The following MICOS10 variants were observed in gnomAD, a reference collection of about 807,000 sequenced individuals.
MICOS10 encodes the protein mitochondrial contact site and cristae organizing system subunit 10.
A neutral mutation model predicts 13.4 loss-of-function variants in MICOS10; 5 were observed. The ratio of observed to expected loss-of-function variants is 0.37; its 90% CI spans 0.20 to 0.78. The LOEUF is 0.78. Among genes scored for constraint, MICOS10 ranks in the 30% least tolerant of loss-of-function variants. MICOS10 has a pLI of 0.47. For synonymous variants in MICOS10, 35 were observed against 33.6 expected, an observed-to-expected ratio of 1.04 and a Z score of -0.15; for missense variants, 101 against 94.6, an observed-to-expected ratio of 1.07 and a Z score of -0.28.
Position 19,623,538 on chromosome 1 carries a change from G to A in MICOS10, c.177G>A (p.Gln59=), listed in dbSNP as rs558713674. ...TAGGAATGGCTTATTCCAACTGTCA[G>A]CATGATTTCCAGGCTCCATATCTTC... ...MGLGMAYSNC[Q]HDFQAPYLLH... The change falls in exon 3 of 4, where the codon CAG becomes CAA. Residue 59 remains glutamine, a synonymous_variant. Transcript: ENST00000322753. 1 of 1,613,552 alleles carries A rather than the reference G, an allele frequency of 6.2e-7. No homozygotes were observed. The highest frequency in any genetic ancestry group is 1.7e-5 in the Admixed American group (1 of 60,014).
At chr1:19,601,745 A>G (rs968272789) in intron 1 of MICOS10, among the ~76,000 whole-genome samples, 4 of 152,200 alleles carry the variant, frequency 2.6e-5, no homozygotes, top group African/African-American at 9.7e-5. Flanking sequence ...TCTAAAAACA[A>G]TAGCAAAAAT....
At chr1:19,616,513 A>G (rs1364846212) in intron 1 of MICOS10, among the ~76,000 whole-genome samples, 7 of 152,134 alleles carry the variant, frequency 4.6e-5, no homozygotes, top group Non-Finnish European at 1.0e-4. Flanking sequence ...TTTGTTGACA[A>G]TTTCTCATTG....
chr1:19,600,025 A>G (rs563102040), intron 1 of MICOS10, among the ~76,000 whole-genome samples: 44 of 152,268 alleles, frequency 2.9e-4, no homozygotes, highest in Middle Eastern at 3.4e-3. Context: ...AGAGAAGCAT[A>G]AGACATTTCA....
At position 19,628,431 on chromosome 1, in the gene MICOS10, C is replaced by T. The variant is rs925248754; in HGVS notation, c.*2030C>T. 1 of 95,236 alleles carries T rather than the reference C, an allele frequency of 1.1e-5. No homozygotes were observed. The highest frequency in any genetic ancestry group is 2.8e-5 in the African/African-American group (1 of 35,532). The allele number at this position is 95,236 out of a possible 1,614,324, so 5.9% of individuals were successfully genotyped here. A position where few individuals can be genotyped will look rare whatever the true frequency, so the allele number is the denominator to read the frequency against. ...GGATGCGGTGGCTCACACCTGTAAT[C>T]CCAGCACTTTGGGAGGCCAAGGCAG... On this transcript the variant is annotated 3_prime_UTR_variant, in exon 4 of 4. Coordinates refer to ENST00000322753, the MANE Select transcript of MICOS10 (RefSeq NM_001032363.4).
intron 1 of MICOS10, chr1:19,608,719 T>G (rs904086514): frequency 3.6e-6 from 2 of 555,382 alleles, no homozygotes; most frequent in African/African-American, 3.8e-5. Flanking sequence ...AGAAAACTGA[T>G]ATACTGGATT....
intron 1 of MICOS10, chr1:19,608,439 G>A (rs758966121): frequency 7.7e-7 from 1 of 1,291,328 alleles, no homozygotes. Context: ...AAGACCCTTG[G>A]ACCTGGGGCC....
At position 19,597,095 on chromosome 1, in the gene MICOS10, C is replaced by T. The variant is rs1296603311; in HGVS notation, c.50C>T (p.Ala17Val). 4 of 1,599,730 alleles carry T rather than the reference C, an allele frequency of 2.5e-6. No homozygotes were observed. In the Admixed American group the frequency reaches 5.2e-5, roughly 21 times the overall value. ...GRKWDRCLAD[A>V]VVKIGTGFGL... Reference sequence around the variant, plus strand: ...AAGTGGGACCGGTGTCTGGCGGATGCGGTCGTGAAGATAGGTAAGGGGCTT... The same window carrying T: ...AAGTGGGACCGGTGTCTGGCGGATGTGGTCGTGAAGATAGGTAAGGGGCTT... The change falls in exon 1 of 4, where the codon GCG becomes GTG. Residue 17 changes from alanine to valine, a missense_variant. Transcript: ENST00000322753.
intron 1 of MICOS10, among the ~76,000 whole-genome samples, chr1:19,611,160 C>A (rs1285606755): frequency 6.6e-6 from 1 of 152,164 alleles, no homozygotes; most frequent in South Asian, 2.1e-4. Context: ...CCATATTGGC[C>A]AGGCTGGTCT....
At chr1:19,617,311 G>A in intron 1 of MICOS10, 2 of 984,784 alleles carry the variant, frequency 2.0e-6, no homozygotes, top group Non-Finnish European at 2.4e-6. Context: ...TCCAGCCTCT[G>A]TCTAGTCCAG....
chr1:19,597,109 G>C lies in MICOS10; in HGVS notation c.64G>C (p.Gly22Arg), dbSNP rs1485762137. The change falls in exon 1 of 4, where the codon GGT becomes CGT. Residue 22 changes from glycine to arginine, a missense_variant and splice_region_variant. By Grantham distance (125) the Gly-to-Arg change is moderately radical. Transcript: ENST00000322753. The stretch of plus-strand genomic sequence containing the variant: ...TCTGGCGGATGCGGTCGTGAAGATA[G>C]GTAAGGGGCTTTTCGCCCCAGCAGG... ...RCLADAVVKI[G>R]TGFGLGIVFS... 1.2e-6 allele frequency: 2 copies of C among 1,600,802 alleles called. No individual in the cohort carries two copies. The highest frequency in any genetic ancestry group is 1.7e-6 in the Non-Finnish European group (2 of 1,174,476).
chr1:19,620,598 C>G (rs943132859), intron 1 of MICOS10, among the ~76,000 whole-genome samples: 3 of 152,186 alleles, frequency 2.0e-5, no homozygotes, highest in Admixed American at 6.5e-5. Flanking sequence ...TTTGATAACT[C>G]CTTTTTGCTG....
intron 1 of MICOS10, among the ~76,000 whole-genome samples, chr1:19,613,590 G>C (rs1051708394): frequency 3.9e-5 from 6 of 152,126 alleles, no homozygotes; most frequent in African/African-American, 1.4e-4. Flanking sequence ...CTGATTATCA[G>C]TTGGCTCCAA....
intron 1 of MICOS10, among the ~76,000 whole-genome samples, chr1:19,601,576 CAAAA>C (rs1264446193): frequency 2.2e-5 from 2 of 91,380 alleles, no homozygotes; most frequent in East Asian, 3.2e-4. Flanking sequence ...GACCCTTTCT[CAAAA>C]AAAAAAAAAA....
chr1:19,610,607 A>T (rs1737418), intron 1 of MICOS10, among the ~76,000 whole-genome samples: 16,591 of 151,578 alleles, frequency 0.11, 3,066 homozygotes, highest in African/African-American at 0.38. Context: ...AATCTAGTGC[A>T]TTTACTTCAA....
At chr1:19,600,994 G>A (rs961862713) in intron 1 of MICOS10, 1 of 1,289,318 alleles carries the variant, frequency 7.8e-7, no homozygotes, top group African/African-American at 1.5e-5. Flanking sequence ...CTGTTTGGTT[G>A]TCTTATACCT....
chr1:19,600,895 C>G, intron 1 of MICOS10: 1 of 1,289,402 alleles, frequency 7.8e-7, no homozygotes. Flanking sequence ...GCCACCACAC[C>G]TGGTCCATCT....
chr1:19,606,839 A>G (rs2094836804), intron 1 of MICOS10, among the ~76,000 whole-genome samples: 1 of 152,260 alleles, frequency 6.6e-6, no homozygotes, highest in Non-Finnish European at 1.5e-5. Context: ...GATTTTGTGT[A>G]TTCATTCAAT....
At chr1:19,615,324 C>T (rs2094879530) in intron 1 of MICOS10, among the ~76,000 whole-genome samples, 1 of 151,822 alleles carries the variant, frequency 6.6e-6, no homozygotes, top group Non-Finnish European at 1.5e-5. Context: ...ACTATGTGCA[C>T]TGTACTAGTC....
rs2094928303 is a variant in MICOS10, at chr1:19,628,323, C to G, written c.*1922C>G. 6.6e-6 allele frequency: 1 copy of G among 152,034 alleles called. No homozygotes were observed. Among genetic ancestry groups the G allele is most frequent in the African/African-American group, 2.4e-5 (1 of 41,446 alleles). The allele number at this position is 152,034 out of a possible 1,614,324, so 9.4% of individuals were successfully genotyped here. Reference sequence around the variant, plus strand: ...CTCCCGACCTCAGGTGATCCTCCCGCCTCGGCCTCCCAAAGTGCTGGGATT... The same window carrying G: ...CTCCCGACCTCAGGTGATCCTCCCGGCTCGGCCTCCCAAAGTGCTGGGATT... On this transcript the variant is annotated 3_prime_UTR_variant, in exon 4 of 4. Transcript: ENST00000322753.
Sources: gnomAD v4.1 joint callset for allele counts (sites outside exome capture counted in the v4.1 genomes callset) on GRCh38, gnomAD v4.1.1 for gene constraint, MANE v1.5 for transcripts, NCBI Gene and HGNC (gene_info 2026-07-23, HGNC 2026-07-21) for gene names.